Variants in HTR1F observed in about 807,000 individuals in gnomAD.
The protein encoded by HTR1F is 5-hydroxytryptamine (serotonin) receptor 1F, G protein-coupled.
In HTR1F, 17 loss-of-function variants were observed where a neutral mutation model predicts 24.0. The observed-to-expected ratio is 0.71, with a 90% CI of 0.48 to 1.06. The LOEUF is 1.06. HTR1F is among the 50% of genes least tolerant of loss of function. HTR1F has a pLI of 0.00. For synonymous variants in HTR1F, 186 were observed against 156.8 expected (o/e 1.19, Z -1.39); for missense variants, 391 against 427.8 (o/e 0.91, Z 0.76).
intron 2 of HTR1F, among the ~76,000 whole-genome samples, chr3:87,965,309 G>A (rs145718056): frequency 5.3e-5 from 8 of 152,214 alleles, no homozygotes; most frequent in East Asian, 1.9e-4. Flanking sequence ...ATTTCTAAGC[G>A]AGTAATATTC....
At chr3:87,796,057 G>C (rs959468230) in intron 1 of HTR1F, among the ~76,000 whole-genome samples, 1 of 152,144 alleles carries the variant, frequency 6.6e-6, no homozygotes, top group Non-Finnish European at 1.5e-5. Flanking sequence ...ATAACTTCTT[G>C]CTATTCTGTG....
At chr3:87,934,401 G>T (rs1704361787) in intron 2 of HTR1F, among the ~76,000 whole-genome samples, 1 of 152,128 alleles carries the variant, frequency 6.6e-6, no homozygotes, top group Non-Finnish European at 1.5e-5. Flanking sequence ...ATGGAGGACT[G>T]CCCTTGACCA....
chr3:87,795,559 T>C (rs1703890542), intron 1 of HTR1F, among the ~76,000 whole-genome samples: 1 of 152,194 alleles, frequency 6.6e-6, no homozygotes, highest in Non-Finnish European at 1.5e-5. Context: ...TGTTGCCTTC[T>C]GGTTGTTAGC....
chr3:87,971,334 G>A (rs898772719), intron 2 of HTR1F, among the ~76,000 whole-genome samples: 21 of 152,056 alleles, frequency 1.4e-4, no homozygotes, highest in African/African-American at 4.3e-4. Context: ...TTGAGAGGCC[G>A]AGGCAGGAGG....
At chr3:87,825,754 C>T (rs537223684) in intron 2 of HTR1F, among the ~76,000 whole-genome samples, 19 of 152,242 alleles carry the variant, frequency 1.2e-4, no homozygotes, top group Non-Finnish European at 2.5e-4. Context: ...GTCACAAAGC[C>T]TTCTCCCTGA....
chr3:87,797,790 C>T (rs1023308443), intron 1 of HTR1F, among the ~76,000 whole-genome samples: 1 of 152,084 alleles, frequency 6.6e-6, no homozygotes, highest in Non-Finnish European at 1.5e-5. Context: ...GCCATGGAGA[C>T]TTGTTTTTAA....
At chr3:87,866,533 C>T (rs1378450597) in intron 2 of HTR1F, among the ~76,000 whole-genome samples, 1 of 152,178 alleles carries the variant, frequency 6.6e-6, no homozygotes, top group African/African-American at 2.4e-5. Context: ...ATGACCTTTA[C>T]ATTGTAAGAG....
chr3:87,902,586 T>C (rs1398307737), intron 2 of HTR1F, among the ~76,000 whole-genome samples: 2 of 152,112 alleles, frequency 1.3e-5, no homozygotes, highest in Non-Finnish European at 2.9e-5. Flanking sequence ...TTTGTTTGTT[T>C]GTTTCTTTTT....
intron 2 of HTR1F, among the ~76,000 whole-genome samples, chr3:87,886,470 A>T (rs1306366415): frequency 6.6e-6 from 1 of 152,182 alleles, no homozygotes; most frequent in Non-Finnish European, 1.5e-5. Context: ...TATGCAACAT[A>T]GTGTTGGAAG....
intron 2 of HTR1F, among the ~76,000 whole-genome samples, chr3:87,962,132 A>C (rs1705075807): frequency 6.6e-6 from 1 of 152,090 alleles, no homozygotes; most frequent in Admixed American, 6.6e-5. Flanking sequence ...TGGCATGCCA[A>C]AAGTAATAAA....
chr3:87,882,880 A>T (rs2343774), intron 2 of HTR1F, among the ~76,000 whole-genome samples: 18,169 of 151,998 alleles, frequency 0.12, 1,379 homozygotes, highest in African/African-American at 0.21. Flanking sequence ...AAATAAATTT[A>T]AAAAAAAGGC....
chr3:87,811,771 C>T (rs954725888), intron 1 of HTR1F, among the ~76,000 whole-genome samples: 5 of 152,078 alleles, frequency 3.3e-5, no homozygotes, highest in East Asian at 1.9e-4. Context: ...TCTCATGAGC[C>T]GGTGAAAGTC....
intron 2 of HTR1F, among the ~76,000 whole-genome samples, chr3:87,834,840 G>A (rs1704651150): frequency 6.6e-6 from 1 of 152,202 alleles, no homozygotes; most frequent in African/African-American, 2.4e-5. Context: ...CTAGAAAACA[G>A]CCATGCTCAT....
chr3:87,912,247 G>A (rs372582768), intron 2 of HTR1F, among the ~76,000 whole-genome samples: 26 of 150,716 alleles, frequency 1.7e-4, no homozygotes, highest in African/African-American at 5.8e-4. Flanking sequence ...TTAATGTGCA[G>A]AAATCACTAG....
intron 2 of HTR1F, among the ~76,000 whole-genome samples, chr3:87,854,351 G>T (rs1360601900): frequency 6.6e-6 from 1 of 151,794 alleles, no homozygotes; most frequent in Non-Finnish European, 1.5e-5. Flanking sequence ...AATCAGATTT[G>T]AGACCTGTTT....
At chr3:87,877,883 C>A (rs11929492) in intron 2 of HTR1F, among the ~76,000 whole-genome samples, 25 of 152,296 alleles carry the variant, frequency 1.6e-4, no homozygotes, top group African/African-American at 5.8e-4. Flanking sequence ...CCCTTCCTGT[C>A]CACTTCTAAA....
rs545455775 is a variant in HTR1F at position 87,920,158 on chromosome 3, G to A, written c.-42-70550G>A. 5.2e-4 allele frequency among the ~76,000 whole-genome samples: 79 copies of A among 151,750 alleles called. 1 individual carries two copies. The highest frequency in any genetic ancestry group is 1.8e-3 in the African/African-American group (73 of 41,406). ...AGTGAAGTAACTCAGGAATGGAAAA[G>A]CAAACATCCTACATTCTCACTCATA... is the stretch of plus-strand genomic sequence containing the variant. On this transcript the variant is annotated intron_variant, in intron 2 of 2. Transcript: ENST00000319595.
Position 87,848,146 on chromosome 3 carries a change from T to C in HTR1F, c.-43+26022T>C, listed in dbSNP as rs753058872. ...TACATTCTCACTAACAGTGTATGAG[T>C]TCCCTTTTCAGCACATCCTTGCCAT... On this transcript the variant is annotated intron_variant, in intron 2 of 2. Coordinates refer to ENST00000319595, the MANE Select transcript of HTR1F (RefSeq NM_001322209.2). Among the ~76,000 whole-genome samples the C allele has an allele frequency of 4.1e-4, 63 of 151,896 alleles. 1 individual carries two copies. The highest frequency in any genetic ancestry group is 6.9e-4 in the Non-Finnish European group (47 of 68,006).
intron 2 of HTR1F, among the ~76,000 whole-genome samples, chr3:87,920,029 TTA>T (rs74326472): frequency 0.31 from 43,418 of 141,884 alleles, 6,611 homozygotes; most frequent in African/African-American, 0.35. Flanking sequence ...ATATGTAATA[TTA>T]TATATATATA....
Sources: allele counts gnomAD v4.1 joint callset (sites outside exome capture counted in the v4.1 genomes callset), GRCh38; gene constraint gnomAD v4.1.1; transcripts MANE v1.5; gene names NCBI Gene and HGNC (gene_info 2026-07-23, HGNC 2026-07-21).